The following FAM13A variants were observed in gnomAD, a reference collection of about 807,000 sequenced individuals.
FAM13A encodes the protein protein FAM13A.
FAM13A carries 76 observed loss-of-function variants against 129.6 expected under a neutral mutation model. That is an observed-to-expected ratio of 0.59 (90% confidence interval 0.49 to 0.71). The LOEUF (loss-of-function observed/expected upper bound fraction) is 0.71, where lower values mean the gene tolerates loss of function less well. Among genes scored for constraint, FAM13A ranks in the 30% least tolerant of loss-of-function variants. The pLI is 0.00. For synonymous variants in FAM13A, 443 were observed against 449.9 expected, an observed-to-expected ratio of 0.98 and a Z score of 0.20; for missense variants, 1,108 against 1,249.3, an observed-to-expected ratio of 0.89 and a Z score of 1.70.
At chr4:88,753,502 G>T (rs1383668117) in intron 14 of FAM13A, 2 of 169,968 alleles carry the variant, frequency 1.2e-5, no homozygotes, top group Non-Finnish European at 2.4e-5. Context: ...TAGGGTGAAT[G>T]AATTCACTTA....
chr4:88,789,441 C>T (rs10029220), intron 9 of FAM13A, among the ~76,000 whole-genome samples: 21,007 of 152,090 alleles, frequency 0.14, 1,955 homozygotes, highest in East Asian at 0.32. Context: ...ACATCTACCC[C>T]ACCTCCTACA....
At chr4:88,894,748 C>G (rs1745998701) in intron 6 of FAM13A, among the ~76,000 whole-genome samples, 1 of 152,164 alleles carries the variant, frequency 6.6e-6, no homozygotes, top group Admixed American at 6.5e-5. Context: ...TCTAGAACTC[C>G]TGGCCTCACG....
rs1481536545 is a variant in FAM13A, at chr4:88,853,291, G to A, written c.844-2108C>T. On this transcript the variant is annotated intron_variant, in intron 6 of 23. Transcript: ENST00000264344. ...TGAAATATGTATACACTGTGGAACA[G>A]TTAAACAGATAATTAACATATGCGT... 2.0e-5 allele frequency among the ~76,000 whole-genome samples: 3 copies of A among 151,916 alleles called. No individual in the cohort carries two copies. In the East Asian group the frequency reaches 5.8e-4, roughly 29 times the overall value.
intron 5 of FAM13A, among the ~76,000 whole-genome samples, chr4:88,931,147 C>T (rs1752971485): frequency 6.6e-6 from 1 of 152,010 alleles, no homozygotes; most frequent in Non-Finnish European, 1.5e-5. Flanking sequence ...GGGACCCTCC[C>T]ATGGGTGCAT....
intron 8 of FAM13A, among the ~76,000 whole-genome samples, chr4:88,798,267 A>G (rs1449538818): frequency 1.3e-5 from 2 of 152,222 alleles, no homozygotes; most frequent in Non-Finnish European, 1.5e-5. Context: ...TTGAAAGCAC[A>G]TATGAAAATC....
intron 6 of FAM13A, among the ~76,000 whole-genome samples, chr4:88,893,638 G>GAATAAATA (rs1167502627): frequency 8.6e-4 from 96 of 112,166 alleles, no homozygotes; most frequent in African/African-American, 2.0e-3. Context: ...ATGAATGAAT[G>GAATAAATA]AATGAATAAA....
At chr4:88,819,544 C>T (rs928321252) in intron 7 of FAM13A, among the ~76,000 whole-genome samples, 5 of 152,074 alleles carry the variant, frequency 3.3e-5, no homozygotes, top group Admixed American at 1.3e-4. Flanking sequence ...GGGAAGAAAA[C>T]TCAATGAAAT....
At chr4:88,798,307 C>A (rs1292597489) in intron 8 of FAM13A, among the ~76,000 whole-genome samples, 1 of 152,192 alleles carries the variant, frequency 6.6e-6, no homozygotes, top group Non-Finnish European at 1.5e-5. Flanking sequence ...ATCCCTTTCT[C>A]AAATGCTTTT....
chr4:88,824,426 A>T (rs937748205), intron 7 of FAM13A, among the ~76,000 whole-genome samples: 11 of 152,182 alleles, frequency 7.2e-5, no homozygotes, highest in African/African-American at 2.7e-4. Context: ...TAATAAAAAC[A>T]TTTTCATTGT....
chr4:89,026,498 T>G (rs531371898), intron 2 of FAM13A, among the ~76,000 whole-genome samples: 57 of 152,278 alleles, frequency 3.7e-4, no homozygotes, highest in Middle Eastern at 3.4e-3. Context: ...GTGGGTAATT[T>G]ATAAAAGAAA....
chr4:88,774,103 C>A (rs149885374), intron 11 of FAM13A, among the ~76,000 whole-genome samples: 142 of 152,300 alleles, frequency 9.3e-4, no homozygotes, highest in African/African-American at 3.4e-3. Context: ...GCTGCTCCCT[C>A]TGCCTGGATT....
At chr4:88,954,603 G>T (rs1308738860) in intron 4 of FAM13A, among the ~76,000 whole-genome samples, 1 of 152,260 alleles carries the variant, frequency 6.6e-6, no homozygotes, top group East Asian at 1.9e-4. Flanking sequence ...TATGAGAATG[G>T]CCAGGAGTGC....
At chr4:88,747,236 G>A (rs1488007815) in intron 18 of FAM13A, among the ~76,000 whole-genome samples, 2 of 152,194 alleles carry the variant, frequency 1.3e-5, no homozygotes, top group African/African-American at 2.4e-5. Flanking sequence ...TCTCCCTCAC[G>A]GCAGCAAAGG....
intron 6 of FAM13A, among the ~76,000 whole-genome samples, chr4:88,905,499 T>A (rs1475652917): frequency 1.3e-5 from 2 of 152,150 alleles, no homozygotes; most frequent in African/African-American, 4.8e-5. Context: ...TATTATCACA[T>A]CCCAGGTATT....
chr4:88,874,013 A>C (rs1241912289), intron 6 of FAM13A, among the ~76,000 whole-genome samples: 3 of 152,344 alleles, frequency 2.0e-5, no homozygotes, highest in South Asian at 4.2e-4. Flanking sequence ...GTAATCCATC[A>C]CATAAACAGA....
At chr4:88,995,738 C>T (rs1331447371) in intron 3 of FAM13A, among the ~76,000 whole-genome samples, 1 of 152,080 alleles carries the variant, frequency 6.6e-6, no homozygotes, top group East Asian at 1.9e-4. Flanking sequence ...ATCATGTGAG[C>T]CAATACTCCT....
intron 6 of FAM13A, among the ~76,000 whole-genome samples, chr4:88,862,183 T>A (rs1739598211): frequency 6.6e-6 from 1 of 152,214 alleles, no homozygotes; most frequent in South Asian, 2.1e-4. Flanking sequence ...ATATGAGCTA[T>A]GATAAATGTT....
intron 7 of FAM13A, among the ~76,000 whole-genome samples, chr4:88,807,691 T>C (rs1319936565): frequency 6.6e-6 from 1 of 152,226 alleles, no homozygotes; most frequent in Non-Finnish European, 1.5e-5. Context: ...CTTCTGATTA[T>C]GGCAACTCTA....
At chr4:88,927,354 C>G (rs988466596) in intron 5 of FAM13A, among the ~76,000 whole-genome samples, 4 of 151,142 alleles carry the variant, frequency 2.6e-5, no homozygotes, top group Non-Finnish European at 4.4e-5. Context: ...TTTGGTGGAG[C>G]CTTTAGGGAT....
Sources: gnomAD v4.1 joint callset for allele counts (sites outside exome capture counted in the v4.1 genomes callset) on GRCh38, gnomAD v4.1.1 for gene constraint, MANE v1.5 for transcripts, NCBI Gene and HGNC (gene_info 2026-07-23, HGNC 2026-07-21) for gene names.